FARS2: variants seen among roughly 807,000 people sequenced by gnomAD.
FARS2 encodes the protein phenylalanyl-tRNA synthetase 2, mitochondrial, also known as phenylalanine--tRNA ligase, mitochondrial.
A neutral mutation model predicts 46.4 loss-of-function variants in FARS2; 40 were observed. That is an observed-to-expected ratio of 0.86 (90% CI 0.67 to 1.12). The LOEUF (loss-of-function observed/expected upper bound fraction) is 1.12. Ranked by LOEUF, FARS2 falls within the 50% of genes most tolerant of loss-of-function variation. The pLI, the probability that FARS2 is intolerant of heterozygous loss-of-function variation, is 0.00. For synonymous variants in FARS2, 234 were observed against 214.9 expected (o/e 1.09, Z -0.78); for missense variants, 513 against 567.9 (o/e 0.90, Z 0.98).
At chr6:5,619,934 C>T (rs1412818186) in intron 6 of FARS2, among the ~76,000 whole-genome samples, 1 of 152,172 alleles carries the variant, frequency 6.6e-6, no homozygotes, top group African/African-American at 2.4e-5. Context: ...ATCATCTCAA[C>T]ACCCGAACAC....
intron 1 of FARS2, among the ~76,000 whole-genome samples, chr6:5,285,608 T>C (rs1316552181): frequency 6.6e-6 from 1 of 152,208 alleles, no homozygotes; most frequent in Non-Finnish European, 1.5e-5. Flanking sequence ...AAGTGCATTC[T>C]CTCTTCAGGC....
intron 6 of FARS2, among the ~76,000 whole-genome samples, chr6:5,659,527 T>C (rs558433642): frequency 9.2e-5 from 14 of 152,338 alleles, no homozygotes; most frequent in African/African-American, 3.1e-4. Context: ...TATATACTGT[T>C]TCAGCTTCTT....
intron 6 of FARS2, among the ~76,000 whole-genome samples, chr6:5,710,240 GTCCAAGCCACA>G (rs1759055568): frequency 2.0e-5 from 3 of 152,180 alleles, no homozygotes; most frequent in Admixed American, 2.0e-4. Context: ...ACGCAGCATG[GTCCAAGCCACA>G]TCCCTCCCTT....
chr6:5,308,007 G>A (rs1280853912), intron 1 of FARS2, among the ~76,000 whole-genome samples: 8 of 152,198 alleles, frequency 5.3e-5, no homozygotes, highest in African/African-American at 1.7e-4. Context: ...AATTTATATG[G>A]GGATTTTTTA....
chr6:5,709,255 C>T (rs1758949520), intron 6 of FARS2, among the ~76,000 whole-genome samples: 1 of 152,090 alleles, frequency 6.6e-6, no homozygotes, highest in South Asian at 2.1e-4. Context: ...GGACCTTACC[C>T]TCAGGACAGT....
chr6:5,717,345 A>ATGTG (rs1241575174), intron 6 of FARS2, among the ~76,000 whole-genome samples: 4 of 123,894 alleles, frequency 3.2e-5, no homozygotes, highest in Non-Finnish European at 5.1e-5. Flanking sequence ...AAACATAGAT[A>ATGTG]TGTATATGTG....
At chr6:5,572,714 T>G (rs1316364910) in intron 5 of FARS2, among the ~76,000 whole-genome samples, 1 of 152,170 alleles carries the variant, frequency 6.6e-6, no homozygotes, top group East Asian at 1.9e-4. Flanking sequence ...CTGATTTTTT[T>G]CAGGGTGCTT....
At chr6:5,525,796 G>C (rs1277939553) in intron 4 of FARS2, among the ~76,000 whole-genome samples, 1 of 152,230 alleles carries the variant, frequency 6.6e-6, no homozygotes, top group Non-Finnish European at 1.5e-5. Context: ...AGGAGTTATA[G>C]AGGCCACTGA....
intron 6 of FARS2, among the ~76,000 whole-genome samples, chr6:5,724,202 G>A (rs1474344267): frequency 1.3e-5 from 2 of 152,242 alleles, no homozygotes; most frequent in African/African-American, 4.8e-5. Flanking sequence ...TTGGCACAGG[G>A]CTGTCAGCCA....
At chr6:5,691,058 C>T (rs1757675979) in intron 6 of FARS2, among the ~76,000 whole-genome samples, 1 of 152,096 alleles carries the variant, frequency 6.6e-6, no homozygotes, top group African/African-American at 2.4e-5. Context: ...TTAAGGACTT[C>T]CCTGCATTGG....
intron 4 of FARS2, among the ~76,000 whole-genome samples, chr6:5,463,298 A>C (rs534407473): frequency 1.2e-4 from 18 of 152,340 alleles, no homozygotes; most frequent in Admixed American, 1.0e-3. Context: ...ATTGATTTTC[A>C]TATGACGATC....
At chr6:5,671,329 C>G (rs184092201) in intron 6 of FARS2, among the ~76,000 whole-genome samples, 2 of 152,296 alleles carry the variant, frequency 1.3e-5, no homozygotes, top group East Asian at 3.9e-4. Context: ...CTTCCTGTCC[C>G]CAGAGCTGGA....
At chr6:5,483,829 A>G (rs1206134757) in intron 4 of FARS2, among the ~76,000 whole-genome samples, 1 of 152,076 alleles carries the variant, frequency 6.6e-6, no homozygotes, top group African/African-American at 2.4e-5. Flanking sequence ...AGACAACCAG[A>G]GCTTGTGGAT....
intron 1 of FARS2, among the ~76,000 whole-genome samples, chr6:5,268,522 G>A (rs534225448): frequency 6.6e-6 from 1 of 152,230 alleles, no homozygotes; most frequent in South Asian, 2.1e-4. Flanking sequence ...GTAGATGTGT[G>A]GTATTATTTC....
intron 6 of FARS2, among the ~76,000 whole-genome samples, chr6:5,637,909 C>G (rs545704319): frequency 6.6e-6 from 1 of 152,208 alleles, no homozygotes; most frequent in Non-Finnish European, 1.5e-5. Flanking sequence ...CTATCTGTCT[C>G]TCAATACAGC....
intron 6 of FARS2, among the ~76,000 whole-genome samples, chr6:5,760,011 T>A (rs6931033): frequency 0.12 from 17,785 of 152,194 alleles, 1,072 homozygotes; most frequent in South Asian, 0.15. Context: ...ATCCCTGTTT[T>A]GCCCCTCTTC....
At chr6:5,443,005 A>G (rs1763928092) in intron 4 of FARS2, among the ~76,000 whole-genome samples, 1 of 152,216 alleles carries the variant, frequency 6.6e-6, no homozygotes, top group Admixed American at 6.5e-5. Flanking sequence ...TCTAGATATA[A>G]GAAACATCTG....
intron 4 of FARS2, among the ~76,000 whole-genome samples, chr6:5,495,741 C>T (rs1767424263): frequency 6.6e-6 from 1 of 152,204 alleles, no homozygotes; most frequent in Non-Finnish European, 1.5e-5. Flanking sequence ...TTGATCCATG[C>T]TAATTATCTT....
chr6:5,374,680 T>G (rs1759266783), intron 2 of FARS2, among the ~76,000 whole-genome samples: 2 of 152,068 alleles, frequency 1.3e-5, no homozygotes, highest in African/African-American at 4.8e-5. Flanking sequence ...TTATTCCTTT[T>G]TAATGAACAG....
Sources: gnomAD v4.1 joint callset for allele counts (sites outside exome capture counted in the v4.1 genomes callset) on GRCh38, gnomAD v4.1.1 for gene constraint, MANE v1.5 for transcripts, NCBI Gene and HGNC (gene_info 2026-07-23, HGNC 2026-07-21) for gene names.